Variants in PCDHGA11 observed in about 807,000 individuals in gnomAD.
PCDHGA11 encodes the protein protocadherin gamma-A11.
In PCDHGA11, 39 loss-of-function variants were observed where a neutral mutation model predicts 60.4. The ratio of observed to expected loss-of-function variants is 0.65; its 90% CI spans 0.50 to 0.84. The LOEUF (loss-of-function observed/expected upper bound fraction) is 0.84, where lower values mean the gene tolerates loss of function less well. PCDHGA11 is among the 40% of genes least tolerant of loss of function. PCDHGA11 has a pLI of 0.00. For missense variants in PCDHGA11, 1,165 were observed against 1,197.7 expected (o/e 0.97, Z 0.40); for synonymous variants, 533 against 510.3 (o/e 1.04, Z -0.60).
chr5:141,431,460 A>T lies in PCDHGA11; in HGVS notation c.2433+7800A>T, dbSNP rs761879594. On this transcript the variant is annotated intron_variant, in intron 1 of 3. Transcript: ENST00000398587. This position sits in a 1 kb window ranked among gnomAD's most constrained non-coding sequence, Gnocchi z 4.8. The stretch of plus-strand genomic sequence containing the variant: ...GCGCGCATCCGCGTGATGGTTCTGG[A>T]TGCGAACGACAACGCACCAGCGTTT... The T allele has an allele frequency of 6.2e-7, 1 of 1,613,794 alleles. No individual in the cohort carries two copies. The highest frequency in any genetic ancestry group is 1.7e-5 in the Admixed American group (1 of 60,032).
intron 1 of PCDHGA11, among the ~76,000 whole-genome samples, chr5:141,469,212 G>A (rs114294512): frequency 0.021 from 3,174 of 151,360 alleles, 54 homozygotes; most frequent in Non-Finnish European, 0.032. Flanking sequence ...TTGAAGTTGA[G>A]GCTTCAGTGA....
intron 1 of PCDHGA11, among the ~76,000 whole-genome samples, chr5:141,474,082 C>CA (rs1449032579): frequency 1.3e-5 from 2 of 152,064 alleles, no homozygotes; most frequent in African/African-American, 4.8e-5. Context: ...AAACAAAAAC[C>CA]AAAAAACAAA....
chr5:141,498,312 T>C (rs2099783060), intron 2 of PCDHGA11, among the ~76,000 whole-genome samples: 1 of 151,714 alleles, frequency 6.6e-6, no homozygotes, highest in Non-Finnish European at 1.5e-5. Context: ...TCACACTGCC[T>C]ACACAGAAGG....
intron 1 of PCDHGA11, among the ~76,000 whole-genome samples, chr5:141,475,518 T>C (rs963473660): frequency 1.3e-5 from 2 of 152,356 alleles, no homozygotes; most frequent in East Asian, 1.9e-4. Flanking sequence ...TCCACGGAAA[T>C]GCTAAATGCC....
Position 141,477,483 on chromosome 5 carries a change from A to G in PCDHGA11, c.2434-17324A>G. The G allele has an allele frequency of 6.2e-7, 1 of 1,614,028 alleles. No individual in the cohort carries two copies. On this transcript the variant is annotated intron_variant, in intron 1 of 3. Coordinates refer to ENST00000398587, the MANE Select transcript of PCDHGA11 (RefSeq NM_018914.3). The surrounding 1 kb of genome is among the most constrained non-coding windows in gnomAD (Gnocchi z 4.9). ...TCCGACATCAATGACAACCCTCCAC[A>G]ATCTTCTCAATCTTCCTACGACGTT...
At chr5:141,492,859 C>G (rs966216924) in intron 1 of PCDHGA11, among the ~76,000 whole-genome samples, 1 of 152,232 alleles carries the variant, frequency 6.6e-6, no homozygotes, top group Non-Finnish European at 1.5e-5. Context: ...CTCGAGCGCC[C>G]TGGCTCTCAA....
At position 141,478,334 on chromosome 5, in the gene PCDHGA11, C is replaced by T. The variant is rs1303200872; in HGVS notation, c.2434-16473C>T. 2.5e-6 allele frequency: 4 copies of T among 1,613,944 alleles called. No individual in the cohort carries two copies. The highest frequency in any genetic ancestry group is 3.4e-6 in the Non-Finnish European group (4 of 1,180,016). ...GAGCTCACTGTACCGAACACCAGGG[C>T]CCTCCTTGCACGCGGACGCCGTGCG... On this transcript the variant is annotated intron_variant, in intron 1 of 3. Coordinates refer to ENST00000398587, the MANE Select transcript of PCDHGA11 (RefSeq NM_018914.3).
chr5:141,472,060 T>C (rs185246000), intron 1 of PCDHGA11, among the ~76,000 whole-genome samples: 5 of 152,276 alleles, frequency 3.3e-5, no homozygotes, highest in Non-Finnish European at 1.5e-5. Context: ...ATGATTGACA[T>C]GTCTGTGGTT....
At chr5:141,435,575 C>T (rs1054936213) in intron 1 of PCDHGA11, among the ~76,000 whole-genome samples, 2 of 152,088 alleles carry the variant, frequency 1.3e-5, no homozygotes, top group South Asian at 2.1e-4. Context: ...AGTACTGGGG[C>T]AAATTTGCAG....
chr5:141,499,174 C>T (rs930279867), intron 2 of PCDHGA11, among the ~76,000 whole-genome samples: 20 of 152,198 alleles, frequency 1.3e-4, no homozygotes, highest in Middle Eastern at 3.4e-3. Flanking sequence ...AGCTCTGAGC[C>T]CAGCAAACCA....
At position 141,422,420 on chromosome 5, in the gene PCDHGA11, C is replaced by A; in HGVS notation, c.1193C>A (p.Thr398Asn). ...CACCTGCCTTTTAAATTAGAAAAGACTTATGGAAATTATTACAAATTGATA... is the reference window on the plus strand; with the variant it reads ...CACCTGCCTTTTAAATTAGAAAAGAATTATGGAAATTATTACAAATTGATA... ...PNHLPFKLEK[T>N]YGNYYKLITS... The change falls in exon 1 of 4, where the codon ACT becomes AAT. Residue 398 changes from threonine (T) to asparagine (N), a missense_variant. Thr to Asn is a moderately conservative substitution (Grantham distance 65, BLOSUM62 0). Coordinates refer to ENST00000398587, the MANE Select transcript of PCDHGA11 (RefSeq NM_018914.3). 2 of 1,607,576 alleles carry A rather than the reference C, an allele frequency of 1.2e-6. No individual in the cohort carries two copies. Among genetic ancestry groups the A allele is most frequent in the Non-Finnish European group, 1.7e-6 (2 of 1,177,960 alleles).
intron 1 of PCDHGA11, among the ~76,000 whole-genome samples, chr5:141,445,793 CAG>C (rs1466260011): frequency 6.6e-6 from 1 of 152,132 alleles, no homozygotes; most frequent in Admixed American, 6.5e-5. Context: ...AGGCTAGAAA[CAG>C]AAAATAAATA....
chr5:141,472,769 T>C (rs2154571402), intron 1 of PCDHGA11, among the ~76,000 whole-genome samples: 1 of 151,816 alleles, frequency 6.6e-6, no homozygotes, highest in South Asian at 2.1e-4. Context: ...GCAGATCACC[T>C]GAGGTTGGGA....
Position 141,422,210 on chromosome 5 carries a change from T to C in PCDHGA11, c.983T>C (p.Leu328Pro). Residue 328 changes from leucine (L) to proline (P), a missense_variant, in exon 1 of 4, where the codon CTC becomes CCC. Transcript: ENST00000398587. The part of the protein sequence containing the change: ...MEIQGQDGGG[L>P]FTTTTMLITV... ...ATTCAAGGCCAAGATGGTGGAGGTC[T>C]CTTTACCACCACGACGATGTTGATC... 6.4e-7 allele frequency: 1 copy of C among 1,562,390 alleles called. No individual in the cohort carries two copies. The highest frequency in any genetic ancestry group is 1.2e-5 in the South Asian group (1 of 80,960).
chr5:141,485,446 C>A lies in PCDHGA11; in HGVS notation c.2434-9361C>A. On this transcript the variant is annotated intron_variant, in intron 1 of 3. Transcript: ENST00000398587. This position sits in a 1 kb window ranked among gnomAD's most constrained non-coding sequence, Gnocchi z 5.7. ...CCCTGCTCATCAAGAACCCAATCGA[C>A]CGAGAGGCACTGTGTGGGCTCAGTG... is the stretch of plus-strand genomic sequence containing the variant. 6.2e-7 allele frequency: 1 copy of A among 1,614,156 alleles called. No individual in the cohort carries two copies. The highest frequency in any genetic ancestry group is 8.5e-7 in the Non-Finnish European group (1 of 1,180,018).
At chr5:141,445,782 G>A (rs530081823) in intron 1 of PCDHGA11, among the ~76,000 whole-genome samples, 1 of 152,310 alleles carries the variant, frequency 6.6e-6, no homozygotes, top group East Asian at 1.9e-4. Flanking sequence ...AAGGGCTAGG[G>A]AGGCTAGAAA....
chr5:141,486,637 G>A lies in PCDHGA11; in HGVS notation c.2434-8170G>A, dbSNP rs761072169. On this transcript the variant is annotated intron_variant, in intron 1 of 3. Transcript: ENST00000398587. The surrounding 1 kb of genome is among the most constrained non-coding windows in gnomAD (Gnocchi z 5.0). ...CTGACCCAGACTCTGGCTTGAATGC[G>A]CTTATCTCCTACTCACTCCTGGAGC... 3.1e-5 allele frequency: 50 copies of A among 1,613,520 alleles called. No individual in the cohort carries two copies. The highest frequency in any genetic ancestry group is 5.0e-5 in the Admixed American group (3 of 60,000).
Position 141,485,550 on chromosome 5 carries a change from TG to T in PCDHGA11, c.2434-9256del. On this transcript the variant is annotated intron_variant, in intron 1 of 3. Coordinates refer to ENST00000398587, the MANE Select transcript of PCDHGA11 (RefSeq NM_018914.3). The surrounding 1 kb of genome is among the most constrained non-coding windows in gnomAD (Gnocchi z 5.7). ...CGAGCAGAGGTAGAGATCGTAGATGTGAATGATCACGCCCCCCGTTTTCCGC... is the reference window on the plus strand; with the variant it reads ...CGAGCAGAGGTAGAGATCGTAGATGTAATGATCACGCCCCCCGTTTTCCGC... The T allele has an allele frequency of 6.2e-7, 1 of 1,613,820 alleles. No individual in the cohort carries two copies.
Position 141,432,530 on chromosome 5 carries a change from G to C in PCDHGA11, c.2433+8870G>C. On this transcript the variant is annotated intron_variant, in intron 1 of 3. Transcript: ENST00000398587. This position sits in a 1 kb window ranked among gnomAD's most constrained non-coding sequence, Gnocchi z 6.0. ...AGAGCCCGGCTACCTGGTGACCAAG[G>C]TGGTGGCGGTGGACAGAGACTCCGG... 6.2e-7 allele frequency: 1 copy of C among 1,614,076 alleles called. No homozygotes were observed. Among genetic ancestry groups the C allele is most frequent in the South Asian group, 1.1e-5 (1 of 91,082 alleles).
Sources: allele counts gnomAD v4.1 joint callset (sites outside exome capture counted in the v4.1 genomes callset), GRCh38; gene constraint gnomAD v4.1.1; non-coding constraint Gnocchi (gnomAD v3.1); transcripts MANE v1.5; gene names NCBI Gene and HGNC (gene_info 2026-07-23, HGNC 2026-07-21).